Variants in PIH1D2 observed in about 807,000 individuals in gnomAD.
PIH1D2 encodes PIH1 domain containing 2.
PIH1D2 carries 25 observed loss-of-function variants against 31.2 expected under a neutral mutation model. The observed-to-expected ratio is 0.80, with a 90% CI of 0.58 to 1.12. The LOEUF (loss-of-function observed/expected upper bound fraction) is 1.12, where lower values mean the gene tolerates loss of function less well. Ranked by LOEUF, PIH1D2 falls within the 50% of genes most tolerant of loss-of-function variation. The pLI, the probability that PIH1D2 is intolerant of heterozygous loss-of-function variation, is 0.00. For missense variants in PIH1D2, 310 were observed against 356.6 expected (o/e 0.87, Z 1.05); for synonymous variants, 116 against 119.9 (o/e 0.97, Z 0.21).
chr11:112,070,428 C>T lies in PIH1D2; in HGVS notation c.813+8G>A. 1 of 1,611,964 alleles carries T rather than the reference C, an allele frequency of 6.2e-7. No individual in the cohort carries two copies. Among genetic ancestry groups the T allele is most frequent in the Non-Finnish European group, 8.5e-7 (1 of 1,178,554 alleles). On this transcript the variant is annotated splice_region_variant and intron_variant, in intron 5 of 5. Coordinates refer to ENST00000280350, the MANE Select transcript of PIH1D2 (RefSeq NM_138789.4). Reference sequence around the variant, plus strand: ...ATACAAATTTACAGTGTTATCTATTCAACTTACCTCAGAAACACTAAGGTC... The same window carrying T: ...ATACAAATTTACAGTGTTATCTATTTAACTTACCTCAGAAACACTAAGGTC...
downstream of PIH1D2, among the ~76,000 whole-genome samples, chr11:112,067,376 A>C (rs1486706476): frequency 2.6e-5 from 4 of 151,560 alleles, no homozygotes; most frequent in Non-Finnish European, 4.4e-5. Flanking sequence ...AAAAAATATA[A>C]GACATGGCCA....
At chr11:112,073,511 C>G (rs797042784) in intron 1 of PIH1D2, among the ~76,000 whole-genome samples, 23 of 152,216 alleles carry the variant, frequency 1.5e-4, no homozygotes, top group African/African-American at 5.3e-4. Context: ...CTGGTGGCTC[C>G]CCAGTTCTGA....
downstream of PIH1D2, chr11:112,061,141 A>G (rs1156675197): frequency 6.2e-7 from 1 of 1,614,012 alleles, no homozygotes; most frequent in Non-Finnish European, 8.5e-7. Flanking sequence ...GGTGCTTCAG[A>G]GGATAAACTG....
At chr11:112,064,578 C>A (rs1214600655), downstream of PIH1D2, among the ~76,000 whole-genome samples, 5 of 152,110 alleles carry the variant, frequency 3.3e-5, no homozygotes, top group African/African-American at 7.2e-5. Context: ...TCCTGAAGCA[C>A]CCCATGTTGG....
rs1283329679 is a variant in PIH1D2, at chr11:112,073,007, G to C, written c.168C>G (p.Thr56=). 2 of 1,610,034 alleles carry C rather than the reference G, an allele frequency of 1.2e-6. No homozygotes were observed. Among genetic ancestry groups the C allele is most frequent in the African/African-American group, 2.7e-5 (2 of 74,914 alleles). ...CACCAACTCGACATACCAGAATCCT[G>C]GTCTGTAGACAAAGCTGTGGTTCTG... The part of the protein sequence containing the change: ...AAPEPQLCLQ[T]RILKPKEKIL... The change falls in exon 2 of 6, where the codon ACC becomes ACG. Residue 56 remains threonine, a synonymous_variant. Transcript: ENST00000280350.
chr11:112,064,001 G>A (rs1864796913), downstream of PIH1D2: 3 of 594,046 alleles, frequency 5.1e-6, no homozygotes, highest in Non-Finnish European at 8.5e-6. Flanking sequence ...GTACACAAGT[G>A]ACACTCCATA....
At chr11:112,058,536 G>T (rs983055943), downstream of PIH1D2, among the ~76,000 whole-genome samples, 29 of 141,092 alleles carry the variant, frequency 2.1e-4, 2 homozygotes, top group Admixed American at 1.9e-3. Flanking sequence ...CACTAGCAGG[G>T]GCCCTTAGGC....
downstream of PIH1D2, chr11:112,063,215 T>C (rs1214711714): frequency 6.6e-6 from 1 of 152,240 alleles, no homozygotes; most frequent in East Asian, 1.9e-4. Context: ...TTGATGTAAC[T>C]GAGAATTTGT....
chr11:112,056,230 T>C, the PIH1D2 span, among the ~76,000 whole-genome samples: 2 of 152,174 alleles, frequency 1.3e-5, no homozygotes. Flanking sequence ...CTGCTCTAAG[T>C]GTACAATTTC....
intron 3 of PIH1D2, 107 bp downstream of exon 3, chr11:112,071,522 GTAATTA>G (rs1430590403): frequency 7.3e-7 from 1 of 1,366,630 alleles, no homozygotes; most frequent in Non-Finnish European, 1.0e-6. Flanking sequence ...TACACTAATT[GTAATTA>G]TATTATCAAC....
At chr11:112,064,392 A>T (rs1864827080), downstream of PIH1D2, 1 of 571,578 alleles carries the variant, frequency 1.7e-6, no homozygotes, top group Non-Finnish European at 2.9e-6. Context: ...AATCTTCAAT[A>T]TGTCTGGTTT....
At chr11:112,071,834 T>C (rs1592753633) in intron 2 of PIH1D2, 76 bp from the exon 3 acceptor site, 1 of 1,529,520 alleles carries the variant, frequency 6.5e-7, no homozygotes, top group Non-Finnish European at 9.0e-7. Context: ...GGCTCCCGCC[T>C]GTAATCCGAG....
chr11:112,059,164 C>T (rs587658293), downstream of PIH1D2, among the ~76,000 whole-genome samples: 1 of 152,196 alleles, frequency 6.6e-6, no homozygotes, highest in Admixed American at 6.5e-5. Flanking sequence ...TCCCTTCACT[C>T]TTCCTTTCAT....
chr11:112,067,208 A>G (rs1864950151), downstream of PIH1D2, among the ~76,000 whole-genome samples: 4 of 152,194 alleles, frequency 2.6e-5, no homozygotes. Flanking sequence ...AAAATTTACT[A>G]GAGACTTTTT....
chr11:112,067,835 T>C lies in PIH1D2; in HGVS notation c.*36A>G. The C allele has an allele frequency of 1.2e-6, 2 of 1,609,338 alleles. No individual in the cohort carries two copies. The highest frequency in any genetic ancestry group is 1.7e-6 in the Non-Finnish European group (2 of 1,178,362). On this transcript the variant is annotated 3_prime_UTR_variant, in exon 6 of 6. Transcript: ENST00000280350. ...GAAGGTCCTTTAATTCACATGACTTTAGCACTGAAAACCCAAAACATATGA... is the reference window on the plus strand; with the variant it reads ...GAAGGTCCTTTAATTCACATGACTTCAGCACTGAAAACCCAAAACATATGA...
chr11:112,061,311 T>G, downstream of PIH1D2: 1 of 847,498 alleles, frequency 1.2e-6, no homozygotes, highest in Non-Finnish European at 2.0e-6. Flanking sequence ...CCTGATATGA[T>G]ATGATGTAAT....
downstream of PIH1D2, among the ~76,000 whole-genome samples, chr11:112,065,246 T>C (rs1016235032): frequency 2.6e-5 from 4 of 152,172 alleles, no homozygotes; most frequent in African/African-American, 9.7e-5. Flanking sequence ...TTGTTTTTTG[T>C]AGGGAGGGGA....
intron 5 of PIH1D2, 77 bp downstream of exon 5, chr11:112,070,359 T>C: frequency 2.7e-6 from 4 of 1,499,316 alleles, no homozygotes; most frequent in Non-Finnish European, 3.6e-6. Context: ...TGAAATTATG[T>C]AGTTTGTTAC....
At chr11:112,064,218 T>G (rs181058458), downstream of PIH1D2, 3 of 1,561,954 alleles carry the variant, frequency 1.9e-6, no homozygotes, top group East Asian at 6.9e-5. Context: ...GGTTCTGTTG[T>G]TCCCTTGAAA....
Sources: gnomAD v4.1 joint callset for allele counts (sites outside exome capture counted in the v4.1 genomes callset) on GRCh38, gnomAD v4.1.1 for gene constraint, MANE v1.5 for transcripts, NCBI Gene and HGNC (gene_info 2026-07-23, HGNC 2026-07-21) for gene names.